Variants in CCDC198 observed in about 807,000 individuals in gnomAD.
CCDC198 encodes the protein factor associated with metabolism and energy.
CCDC198 carries 18 observed loss-of-function variants against 35.6 expected under a neutral mutation model. The observed-to-expected ratio is 0.51, with a 90% CI of 0.35 to 0.75. CCDC198 has a LOEUF of 0.75. Among genes scored for constraint, CCDC198 ranks in the 30% least tolerant of loss-of-function variants. The pLI is 0.01. For missense variants in CCDC198, 365 were observed against 343.7 expected, an observed-to-expected ratio of 1.06 and a Z score of -0.49; for synonymous variants, 119 against 113.4, an observed-to-expected ratio of 1.05 and a Z score of -0.31.
chr14:57,483,207 C>G, intron 2 of CCDC198, 56 bp from the exon 3 acceptor site: 1 of 1,612,676 alleles, frequency 6.2e-7, no homozygotes, highest in Non-Finnish European at 8.5e-7. Flanking sequence ...GATGATGAAA[C>G]AGAAAAGCCA....
chr14:57,484,007 GT>G (rs373292832), intron 2 of CCDC198, among the ~76,000 whole-genome samples: 4 of 152,334 alleles, frequency 2.6e-5, no homozygotes, highest in Non-Finnish European at 5.9e-5. Context: ...GATTATTCAA[GT>G]GATAATTACA....
chr14:57,486,604 C>T (rs545838855), intron 2 of CCDC198, among the ~76,000 whole-genome samples: 1 of 152,158 alleles, frequency 6.6e-6, no homozygotes, highest in East Asian at 1.9e-4. Context: ...GGTTGGGGGC[C>T]ATTGACTTCC....
intron 5 of CCDC198, 150 bp downstream of exon 5, chr14:57,480,445 A>C: frequency 8.4e-7 from 1 of 1,192,132 alleles, no homozygotes; most frequent in South Asian, 1.7e-5. Context: ...ATTACATGAC[A>C]ACATGCCCAC....
chr14:57,489,182 AC>A (rs1345289008), intron 2 of CCDC198, among the ~76,000 whole-genome samples: 1 of 152,232 alleles, frequency 6.6e-6, no homozygotes, highest in Non-Finnish European at 1.5e-5. Flanking sequence ...ACCATGGAAT[AC>A]TATGCAGCCA....
intron 2 of CCDC198, among the ~76,000 whole-genome samples, chr14:57,485,509 G>T (rs559444814): frequency 2.6e-4 from 40 of 152,308 alleles, no homozygotes; most frequent in African/African-American, 9.4e-4. Context: ...CATTATTAAG[G>T]GGGTAGATTT....
intron 2 of CCDC198, among the ~76,000 whole-genome samples, chr14:57,488,315 T>C (rs2067436395): frequency 6.6e-6 from 1 of 152,174 alleles, no homozygotes; most frequent in Non-Finnish European, 1.5e-5. Flanking sequence ...AATAAAACAT[T>C]CCTATATCCT....
intron 5 of CCDC198, among the ~76,000 whole-genome samples, chr14:57,474,277 A>T (rs759968320): frequency 1.3e-5 from 2 of 152,212 alleles, no homozygotes; most frequent in Non-Finnish European, 2.9e-5. Flanking sequence ...AAGTATTGGT[A>T]ACTAGGACCT....
chr14:57,475,615 G>A (rs1258305035), intron 5 of CCDC198: 9 of 393,800 alleles, frequency 2.3e-5, no homozygotes, highest in Non-Finnish European at 4.4e-5. Flanking sequence ...GCTGAGGCAG[G>A]AGAATCATTT....
At position 57,482,031 on chromosome 14, in the gene CCDC198, CTCTTT is replaced by C; in HGVS notation, c.394-376_394-372del. On this transcript the variant is annotated intron_variant, in intron 3 of 5. Transcript: ENST00000216445. The stretch of plus-strand genomic sequence containing the variant: ...AGGAAACCTTTCTTTTTCTCCCTGC[CTCTTT>C]TACCATTGAGTAATTGGCTGGCTAT... Among the ~76,000 whole-genome samples, 3 of 152,276 alleles carry C rather than the reference CTCTTT, an allele frequency of 2.0e-5. No homozygotes were observed. In the East Asian group the frequency reaches 5.8e-4, roughly 29 times the overall value.
intron 5 of CCDC198, among the ~76,000 whole-genome samples, chr14:57,477,486 TCA>T (rs138711664): frequency 2.6e-4 from 39 of 150,862 alleles, no homozygotes; most frequent in African/African-American, 4.6e-4. Context: ...CACGTGTATC[TCA>T]CACACACACA....
intron 5 of CCDC198, among the ~76,000 whole-genome samples, chr14:57,473,022 T>C (rs1032044454): frequency 1.3e-5 from 2 of 152,218 alleles, no homozygotes; most frequent in Non-Finnish European, 1.5e-5. Flanking sequence ...TATAAGAAAA[T>C]CAAGTATTTC....
In CCDC198 at chr14:57,482,665, G is replaced by T. The variant is rs151337001; in HGVS notation, c.393+400C>A. Among the ~76,000 whole-genome samples the T allele has an allele frequency of 5.9e-3, 896 of 152,314 alleles. 24 individuals carry two copies. Among genetic ancestry groups the T allele is most frequent in the Admixed American group, 0.048 (734 of 15,300 alleles). ...GTGTCAAATAAGTCAGGAATAACTTGTAGATAAGATTTCTCCTGCAAACTG... is the reference window on the plus strand; with the variant it reads ...GTGTCAAATAAGTCAGGAATAACTTTTAGATAAGATTTCTCCTGCAAACTG... On this transcript the variant is annotated intron_variant, in intron 3 of 5. Coordinates refer to ENST00000216445, the MANE Select transcript of CCDC198 (RefSeq NM_018168.4).
At chr14:57,480,952 G>A (rs1049495627) in intron 4 of CCDC198, among the ~76,000 whole-genome samples, 198 bp from the exon 5 acceptor site, 7 of 152,164 alleles carry the variant, frequency 4.6e-5, no homozygotes. Context: ...AGAAAGGTGA[G>A]TGCACCCAGT....
At chr14:57,486,199 T>C (rs1216113387) in intron 2 of CCDC198, among the ~76,000 whole-genome samples, 1 of 152,166 alleles carries the variant, frequency 6.6e-6, no homozygotes, top group Non-Finnish European at 1.5e-5. Context: ...GTTCAGGATT[T>C]GGTTCTTTCT....
At chr14:57,488,803 G>A (rs2067459599) in intron 2 of CCDC198, among the ~76,000 whole-genome samples, 1 of 152,104 alleles carries the variant, frequency 6.6e-6, no homozygotes, top group South Asian at 2.1e-4. Flanking sequence ...TTAGAGAAAT[G>A]CAAATCAAAA....
At chr14:57,483,907 C>T (rs2067270571) in intron 2 of CCDC198, among the ~76,000 whole-genome samples, 1 of 152,180 alleles carries the variant, frequency 6.6e-6, no homozygotes, top group African/African-American at 2.4e-5. Context: ...TGCTACATGC[C>T]AGACATGGGG....
chr14:57,480,392 T>C (rs986805342), intron 5 of CCDC198: 13 of 820,980 alleles, frequency 1.6e-5, no homozygotes, highest in Non-Finnish European at 1.8e-5. Flanking sequence ...AGACATTTAA[T>C]TACCAAGCTT....
chr14:57,478,531 G>A (rs1248162341), intron 5 of CCDC198: 2 of 986,750 alleles, frequency 2.0e-6, no homozygotes, highest in Non-Finnish European at 2.4e-6. Flanking sequence ...CTTTCTCCAT[G>A]TGCCAGTTTC....
chr14:57,481,646 CT>C lies in CCDC198; in HGVS notation c.407del (p.Lys136ArgfsTer24). On this transcript the variant is annotated frameshift_variant, in exon 4 of 6. Transcript: ENST00000216445. LOFTEE classifies it high-confidence loss of function. ...TMHKAKQVLE[K>X]KMQTPMYTSE... ...AAGTATACATTGGAGTTTGCATTTT[CT>C]TTTCTAGTACCTGCTATGAAAGACA... 6.2e-7 allele frequency: 1 copy of C among 1,607,016 alleles called. No homozygotes were observed. The highest frequency in any genetic ancestry group is 1.7e-5 in the Admixed American group (1 of 59,822).
Sources: allele counts gnomAD v4.1 joint callset (sites outside exome capture counted in the v4.1 genomes callset), GRCh38; gene constraint gnomAD v4.1.1; transcripts MANE v1.5; gene names NCBI Gene and HGNC (gene_info 2026-07-23, HGNC 2026-07-21).